The following VIL1 variants were observed in gnomAD, a reference collection of about 807,000 sequenced individuals.
VIL1 encodes the protein villin-1.
In VIL1, 86 loss-of-function variants were observed where a neutral mutation model predicts 104.0. The ratio of observed to expected loss-of-function variants is 0.83; its 90% CI spans 0.69 to 0.99. The LOEUF (loss-of-function observed/expected upper bound fraction) is 0.99. Ranked by LOEUF, VIL1 falls within the 50% of genes least tolerant of loss-of-function variation. VIL1 has a pLI of 0.00. For missense variants in VIL1, 944 were observed against 1,054.1 expected (o/e 0.90, Z 1.45); for synonymous variants, 394 against 412.6 (o/e 0.95, Z 0.55).
At chr2:218,434,901 C>T (rs1303353019) in intron 14 of VIL1, among the ~76,000 whole-genome samples, 196 bp downstream of exon 14, 1 of 152,208 alleles carries the variant, frequency 6.6e-6, no homozygotes, top group Non-Finnish European at 1.5e-5. Flanking sequence ...AATGACCATC[C>T]TCAGATTCTC....
chr2:218,422,292 GA>G (rs1284333309), intron 1 of VIL1, among the ~76,000 whole-genome samples: 2 of 152,038 alleles, frequency 1.3e-5, no homozygotes, highest in Non-Finnish European at 1.5e-5. Flanking sequence ...AAAAGAAGGG[GA>G]CAGAGACAAA....
At position 218,431,970 on chromosome 2, in the gene VIL1, A is replaced by G; in HGVS notation, c.1203+13A>G. ...TGGGGAAGTGCAGGTATGTGAGGGC[A>G]GAGAGGCCCGTGCTGGGTGGAGCAG... On this transcript the variant is annotated intron_variant, in intron 11 of 19. Coordinates refer to ENST00000248444, the MANE Select transcript of VIL1 (RefSeq NM_007127.3). The G allele has an allele frequency of 6.2e-7, 1 of 1,614,062 alleles. No individual in the cohort carries two copies. The highest frequency in any genetic ancestry group is 8.5e-7 in the Non-Finnish European group (1 of 1,180,014).
rs1689456276 is a variant in VIL1 at position 218,450,732 on chromosome 2, T to A, written c.*1396T>A. 1 of 152,232 alleles carries A rather than the reference T, an allele frequency of 6.6e-6. No homozygotes were observed. The allele number at this position is 152,232 out of a possible 1,614,324, so 9.4% of individuals were successfully genotyped here. ...GTTCTGGCATCTGACTGGACCAACC[T>A]GGAACCTGGTCCAGACCCTCACCCA... On this transcript the variant is annotated 3_prime_UTR_variant, in exon 20 of 20. Transcript: ENST00000248444.
At chr2:218,436,691 G>A in intron 16 of VIL1, 65 bp downstream of exon 16, 1 of 1,562,952 alleles carries the variant, frequency 6.4e-7, no homozygotes, top group South Asian at 1.2e-5. Flanking sequence ...AAGAAAGAGT[G>A]GCTTTAAGGT....
At chr2:218,444,873 C>A (rs573589558) in intron 19 of VIL1, among the ~76,000 whole-genome samples, 22 of 152,306 alleles carry the variant, frequency 1.4e-4, no homozygotes, top group African/African-American at 5.1e-4. Context: ...TGGAAAGATA[C>A]AAGTCCACTA....
intron 11 of VIL1, 22 bp from the exon 12 acceptor site, chr2:218,432,024 C>T: frequency 6.2e-7 from 1 of 1,613,966 alleles, no homozygotes; most frequent in Non-Finnish European, 8.5e-7. Context: ...TGGACCTCAC[C>T]CTGGCCTGAT....
intron 17 of VIL1, among the ~76,000 whole-genome samples, chr2:218,437,907 G>A (rs1037986810): frequency 2.6e-5 from 4 of 152,170 alleles, no homozygotes; most frequent in African/African-American, 9.7e-5. Flanking sequence ...AAAGGTTTTC[G>A]GTAGGAAGAA....
At position 218,430,884 on chromosome 2, in the gene VIL1, G is replaced by T; in HGVS notation, c.1102+6G>T. On this transcript the variant is annotated splice_donor_region_variant and intron_variant, in intron 10 of 19. Coordinates refer to ENST00000248444, the MANE Select transcript of VIL1 (RefSeq NM_007127.3). ...CCACACTGTGGGCTCCGTGGGTGAGGGCCAGGCGGGGGCAGTGAGGGAGCC... is the reference window on the plus strand; with the variant it reads ...CCACACTGTGGGCTCCGTGGGTGAGTGCCAGGCGGGGGCAGTGAGGGAGCC... The T allele has an allele frequency of 6.2e-7, 1 of 1,609,982 alleles. No individual in the cohort carries two copies. The highest frequency in any genetic ancestry group is 2.2e-5 in the East Asian group (1 of 44,682).
chr2:218,453,043 T>C lies in VIL1; in HGVS notation c.*3707T>C, dbSNP rs977258292. On this transcript the variant is annotated 3_prime_UTR_variant, in exon 20 of 20. Transcript: ENST00000248444. ...CACTCTACCATTTTGGAACATTCAT[T>C]ACAATAAGGTATATAGGTAGATGGT... 1.3e-5 allele frequency: 2 copies of C among 152,212 alleles called. No individual in the cohort carries two copies. The highest frequency in any genetic ancestry group is 4.8e-5 in the African/African-American group (2 of 41,452). 9.4% of individuals were successfully genotyped at this position (152,212 alleles called of 1,614,324 possible).
intron 19 of VIL1, among the ~76,000 whole-genome samples, chr2:218,447,736 TTTTG>T (rs758291161): frequency 3.3e-5 from 5 of 151,202 alleles, no homozygotes; most frequent in Admixed American, 6.6e-5. Context: ...ACATACTTTG[TTTTG>T]TTTTTTTTTT....
At chr2:218,440,951 T>A in intron 19 of VIL1, 89 bp downstream of exon 19, 2 of 1,510,450 alleles carry the variant, frequency 1.3e-6, no homozygotes, top group Admixed American at 4.0e-5. Context: ...GGTGACTAGG[T>A]GCTGGGGATG....
intron 13 of VIL1, among the ~76,000 whole-genome samples, chr2:218,434,102 CAGG>C (rs1317426418): frequency 2.7e-5 from 4 of 149,614 alleles, no homozygotes; most frequent in African/African-American, 9.9e-5. Context: ...GAGGCTGAGG[CAGG>C]AGAATTGCTT....
At chr2:218,443,192 G>C (rs1024238405) in intron 19 of VIL1, among the ~76,000 whole-genome samples, 81 of 126,876 alleles carry the variant, frequency 6.4e-4, no homozygotes, top group African/African-American at 2.2e-3. Flanking sequence ...CATAAAGGAG[G>C]TATTTCTTTC....
intron 12 of VIL1, 69 bp downstream of exon 12, chr2:218,432,252 G>A: frequency 1.9e-6 from 3 of 1,567,032 alleles, no homozygotes; most frequent in East Asian, 4.5e-5. Context: ...CTCCTGCTAA[G>A]TGGCCATCAC....
At position 218,436,507 on chromosome 2, in the gene VIL1, AC is replaced by A; in HGVS notation, c.1858del (p.Arg620GlyfsTer33). The A allele has an allele frequency of 3.7e-6, 6 of 1,613,382 alleles. No homozygotes were observed. The highest frequency in any genetic ancestry group is 2.2e-5 in the East Asian group (1 of 44,838). On this transcript the variant is annotated frameshift_variant, in exon 16 of 20. Coordinates refer to ENST00000248444, the MANE Select transcript of VIL1 (RefSeq NM_007127.3). LOFTEE classifies it high-confidence loss of function. Reference protein sequence around the residue: ...KRLQEENLVITPRLFECSNKT... With the variant: ...KRLQEENLVIXPRLFECSNKT... ...ACTACAGGAAGAAAACCTGGTCATC[AC>A]CCCCCGGCTCTTTGAGTGTTCCAAC...
At chr2:218,445,016 G>A (rs963691641) in intron 19 of VIL1, among the ~76,000 whole-genome samples, 5 of 152,180 alleles carry the variant, frequency 3.3e-5, no homozygotes, top group Admixed American at 6.5e-5. Context: ...AGGAACCTGG[G>A]GGGAGGGTGC....
chr2:218,434,463 C>T, intron 13 of VIL1, 63 bp from the exon 14 acceptor site: 1 of 1,528,816 alleles, frequency 6.5e-7, no homozygotes, highest in Non-Finnish European at 8.9e-7. Flanking sequence ...CCTCTGTTCC[C>T]CATCATCTTC....
chr2:218,440,797 C>G lies in VIL1; in HGVS notation c.2305C>G (p.Leu769Val). The G allele has an allele frequency of 1.2e-6, 2 of 1,614,188 alleles. No individual in the cohort carries two copies. Among genetic ancestry groups the G allele is most frequent in the Non-Finnish European group, 1.7e-6 (2 of 1,180,026 alleles). ...TTCTGGGCCTCTGCCCATCTTCCCC[C>G]TGGAGCAGCTAGTGAACAAGCCTGT... ...LSSGPLPIFP[L>V]EQLVNKPVEE... The change falls in exon 19 of 20, where the codon CTG becomes GTG. Residue 769 changes from leucine to valine, a missense_variant. Physicochemically the swap from Leu to Val is conservative, Grantham distance 32 (BLOSUM62 1). Coordinates refer to ENST00000248444, the MANE Select transcript of VIL1 (RefSeq NM_007127.3).
chr2:218,452,388 A>G lies in VIL1; in HGVS notation c.*3052A>G, dbSNP rs542994834. 3.0e-4 allele frequency: 45 copies of G among 152,294 alleles called. No individual in the cohort carries two copies. The highest frequency in any genetic ancestry group is 1.0e-3 in the African/African-American group (42 of 41,578). The allele number at this position is 152,294 out of a possible 1,614,324, so 9.4% of individuals were successfully genotyped here. A position where few individuals can be genotyped will look rare whatever the true frequency, so the allele number is the denominator to read the frequency against. Reference sequence around the variant, plus strand: ...GCAAAAAATAATATATTATCTATTTATAATTTTAAAATATATACAGCCAGC... The same window carrying G: ...GCAAAAAATAATATATTATCTATTTGTAATTTTAAAATATATACAGCCAGC... On this transcript the variant is annotated 3_prime_UTR_variant, in exon 20 of 20. Coordinates refer to ENST00000248444, the MANE Select transcript of VIL1 (RefSeq NM_007127.3).
Sources: allele counts gnomAD v4.1 joint callset (sites outside exome capture counted in the v4.1 genomes callset), GRCh38; gene constraint gnomAD v4.1.1; transcripts MANE v1.5; gene names NCBI Gene and HGNC (gene_info 2026-07-23, HGNC 2026-07-21).